Variants in CTNNA2 observed in about 807,000 individuals in gnomAD.
CTNNA2 encodes catenin alpha-2.
CTNNA2 carries 42 observed loss-of-function variants against 101.0 expected under a neutral mutation model. The ratio of observed to expected loss-of-function variants is 0.42; its 90% CI spans 0.32 to 0.54. CTNNA2 has a LOEUF of 0.54. Among genes scored for constraint, CTNNA2 ranks in the 20% least tolerant of loss-of-function variants. The pLI, the probability that CTNNA2 is intolerant of heterozygous loss-of-function variation, is 0.14. For synonymous variants in CTNNA2, 450 were observed against 456.4 expected (o/e 0.99, Z 0.18); for missense variants, 871 against 1,223.1 (o/e 0.71, Z 4.29).
intron 7 of CTNNA2, among the ~76,000 whole-genome samples, chr2:80,219,435 T>G (rs1266614313): frequency 6.6e-6 from 1 of 152,204 alleles, no homozygotes; most frequent in Non-Finnish European, 1.5e-5. Context: ...TTTATATATT[T>G]TCACATTTGA....
At chr2:80,154,365 T>C (rs1210001724) in intron 7 of CTNNA2, among the ~76,000 whole-genome samples, 1 of 152,098 alleles carries the variant, frequency 6.6e-6, no homozygotes, top group Admixed American at 6.6e-5. Flanking sequence ...AAAAATGAGA[T>C]GATGTTTTTT....
intron 7 of CTNNA2, among the ~76,000 whole-genome samples, chr2:80,051,271 G>A (rs1251868953): frequency 1.3e-5 from 2 of 152,118 alleles, no homozygotes; most frequent in East Asian, 1.9e-4. Flanking sequence ...GTTGTTGGAT[G>A]GAACTCTTAC....
chr2:80,635,971 C>CTTTTTT (rs60757492), intron 18 of CTNNA2, among the ~76,000 whole-genome samples: 3 of 115,624 alleles, frequency 2.6e-5, no homozygotes, highest in Admixed American at 9.1e-5. Context: ...ATGCCCATTG[C>CTTTTTT]TTTTTTTTTT....
At chr2:79,931,714 G>T (rs942864551) in intron 7 of CTNNA2, among the ~76,000 whole-genome samples, 1 of 152,030 alleles carries the variant, frequency 6.6e-6, no homozygotes, top group East Asian at 1.9e-4. Flanking sequence ...GGGAAGCCTC[G>T]TTTCACCTTT....
intron 3 of CTNNA2, among the ~76,000 whole-genome samples, chr2:79,832,439 C>A (rs1191806445): frequency 1.3e-5 from 2 of 152,196 alleles, no homozygotes; most frequent in African/African-American, 2.4e-5. Flanking sequence ...ATGCTAATTT[C>A]TTGGGGCAAT....
intron 7 of CTNNA2, among the ~76,000 whole-genome samples, chr2:80,183,155 C>T (rs956488252): frequency 1.3e-5 from 2 of 152,152 alleles, no homozygotes; most frequent in African/African-American, 4.8e-5. Flanking sequence ...TAGATCCCCC[C>T]AGACACCATT....
At chr2:79,823,050 C>T (rs573509982) in intron 3 of CTNNA2, among the ~76,000 whole-genome samples, 12 of 152,180 alleles carry the variant, frequency 7.9e-5, no homozygotes, top group Non-Finnish European at 1.5e-4. Context: ...GTCCTTTCCA[C>T]AGGGAAGAGT....
intron 1 of CTNNA2, among the ~76,000 whole-genome samples, chr2:79,583,280 C>G (rs1032404169): frequency 1.3e-5 from 2 of 151,518 alleles, no homozygotes; most frequent in African/African-American, 4.8e-5. Flanking sequence ...CCTGTTTATC[C>G]TATGGTTCAT....
intron 7 of CTNNA2, among the ~76,000 whole-genome samples, chr2:80,245,703 T>C (rs1671266550): frequency 6.6e-6 from 1 of 151,800 alleles, no homozygotes; most frequent in Admixed American, 6.6e-5. Flanking sequence ...TTTTCTGTCC[T>C]ATTAATCTGA....
At chr2:80,056,563 C>G (rs774262420) in intron 7 of CTNNA2, among the ~76,000 whole-genome samples, 2 of 152,210 alleles carry the variant, frequency 1.3e-5, no homozygotes, top group Admixed American at 6.5e-5. Flanking sequence ...GATCCTTACA[C>G]TCAACTCCTG....
chr2:80,559,372 C>T (rs920364838), intron 12 of CTNNA2, among the ~76,000 whole-genome samples: 22 of 152,282 alleles, frequency 1.4e-4, no homozygotes, highest in African/African-American at 5.3e-4. Flanking sequence ...TGAATGGCTG[C>T]ATGGGTAGGT....
intron 1 of CTNNA2, among the ~76,000 whole-genome samples, chr2:79,628,613 A>G (rs1679480079): frequency 6.6e-6 from 1 of 152,236 alleles, no homozygotes; most frequent in Non-Finnish European, 1.5e-5. Context: ...TTTTTGCTCC[A>G]TAGAAGCAGT....
At chr2:79,429,035 C>T (rs1033185268) in intron 4 of CTNNA2, among the ~76,000 whole-genome samples, 1 of 152,130 alleles carries the variant, frequency 6.6e-6, no homozygotes, top group Non-Finnish European at 1.5e-5. Context: ...GCTGGAGGCA[C>T]CTCATTGTTG....
chr2:80,025,477 C>T (rs991171116), intron 7 of CTNNA2, among the ~76,000 whole-genome samples: 4 of 152,110 alleles, frequency 2.6e-5, no homozygotes, highest in Non-Finnish European at 4.4e-5. Flanking sequence ...TAATGAGATG[C>T]GAGAAGACAT....
At chr2:80,141,484 C>A (rs187926599) in intron 7 of CTNNA2, among the ~76,000 whole-genome samples, 76 of 152,076 alleles carry the variant, frequency 5.0e-4, no homozygotes, top group African/African-American at 1.7e-3. Context: ...GAAAGAAAAC[C>A]ACCAAAGATA....
chr2:79,555,780 C>G (rs1037259004), intron 1 of CTNNA2, among the ~76,000 whole-genome samples: 2 of 152,050 alleles, frequency 1.3e-5, no homozygotes, highest in East Asian at 3.9e-4. Flanking sequence ...CTCAGTGTTA[C>G]CCACTGACCT....
intron 7 of CTNNA2, among the ~76,000 whole-genome samples, chr2:79,992,824 G>A (rs569813161): frequency 1.7e-3 from 262 of 152,282 alleles, no homozygotes; most frequent in African/African-American, 6.0e-3. Flanking sequence ...TTTCCAACTA[G>A]ATTGAATTCT....
At chr2:79,369,698 C>T (rs927266676) in intron 3 of CTNNA2, among the ~76,000 whole-genome samples, 5 of 152,162 alleles carry the variant, frequency 3.3e-5, no homozygotes, top group African/African-American at 1.2e-4. Context: ...ATCTACTTTC[C>T]TCCTAACACT....
rs550896798 is a variant in CTNNA2, at chr2:80,426,078, TA to T, written c.1290+6481del. On this transcript the variant is annotated intron_variant, in intron 9 of 18. Coordinates refer to ENST00000402739, the MANE Select transcript of CTNNA2 (RefSeq NM_001282597.3). ...AGGAAGTATCATCTGTAGAACTAGA[TA>T]AAATAATTATTAGTAATTTCCTCTC... Among the ~76,000 whole-genome samples the T allele has an allele frequency of 4.6e-5, 7 of 152,246 alleles. No homozygotes were observed. In the South Asian group the frequency reaches 1.5e-3, roughly 32 times the overall value.
Sources: allele counts gnomAD v4.1 joint callset (sites outside exome capture counted in the v4.1 genomes callset), GRCh38; gene constraint gnomAD v4.1.1; transcripts MANE v1.5; gene names NCBI Gene and HGNC (gene_info 2026-07-23, HGNC 2026-07-21).